Variants in ANKRD44 observed in about 807,000 individuals in gnomAD.
The protein encoded by ANKRD44 is ankyrin repeat domain 44, also known as serine/threonine-protein phosphatase 6 regulatory ankyrin repeat subunit B.
ANKRD44 carries 35 observed loss-of-function variants against 116.0 expected under a neutral mutation model. The observed-to-expected ratio is 0.30, with a 90% confidence interval of 0.23 to 0.40. The LOEUF (loss-of-function observed/expected upper bound fraction) is 0.40. ANKRD44 is among the 10% of genes least tolerant of loss of function. The pLI is 1.00. For missense variants in ANKRD44, 1,014 were observed against 1,242.6 expected, an observed-to-expected ratio of 0.82 and a Z score of 2.77; for synonymous variants, 435 against 461.8, an observed-to-expected ratio of 0.94 and a Z score of 0.74.
At chr2:196,990,287 A>AG in intron 27 of ANKRD44, 1 of 989,416 alleles carries the variant, frequency 1.0e-6, no homozygotes. Flanking sequence ...CTTCCCTCCC[A>AG]GGGGACATGA....
In ANKRD44 at chr2:197,158,440, T is replaced by C. The variant is rs184215428; in HGVS notation, c.112-11335A>G. On this transcript the variant is annotated intron_variant, in intron 2 of 27. Coordinates refer to ENST00000282272, the MANE Select transcript of ANKRD44 (RefSeq NM_001195144.2). ...ACGGCCCCACCACAGGCTCACTGTC[T>C]CTTTTAATTAATTCATTAACCAATT... 2.8e-3 allele frequency among the ~76,000 whole-genome samples: 424 copies of C among 152,344 alleles called. 2 individuals carry two copies. The highest frequency in any genetic ancestry group is 9.6e-3 in the African/African-American group (399 of 41,568).
intron 17 of ANKRD44, among the ~76,000 whole-genome samples, chr2:197,016,430 C>T (rs1243944581): frequency 3.8e-5 from 1 of 26,666 alleles, no homozygotes; most frequent in Non-Finnish European, 8.0e-5. Context: ...CATTTTAATA[C>T]AGAAACTAAC....
intron 16 of ANKRD44, chr2:197,029,381 T>A (rs1447346927): frequency 3.6e-6 from 1 of 278,372 alleles, no homozygotes; most frequent in Non-Finnish European, 6.9e-6. Flanking sequence ...TGAATCTGCT[T>A]GCCTGCTGCT....
intron 1 of ANKRD44, among the ~76,000 whole-genome samples, chr2:197,192,158 A>G (rs998842175): frequency 6.6e-5 from 10 of 152,148 alleles, no homozygotes; most frequent in Non-Finnish European, 1.2e-4. Context: ...TGTATAGTAT[A>G]TTTCACTTTC....
At chr2:197,141,055 A>C (rs539617266) in intron 3 of ANKRD44, among the ~76,000 whole-genome samples, 2 of 152,154 alleles carry the variant, frequency 1.3e-5, no homozygotes, top group Non-Finnish European at 2.9e-5. Context: ...CGTCTCCACT[A>C]AAGATACAAA....
chr2:197,160,367 G>C (rs1304226193), intron 2 of ANKRD44, among the ~76,000 whole-genome samples: 1 of 152,150 alleles, frequency 6.6e-6, no homozygotes, highest in East Asian at 1.9e-4. Context: ...AAAATAAGGA[G>C]ATGCAGACAG....
chr2:197,213,719 T>C (rs2081376972), intron 1 of ANKRD44, among the ~76,000 whole-genome samples: 1 of 152,220 alleles, frequency 6.6e-6, no homozygotes, highest in Non-Finnish European at 1.5e-5. Flanking sequence ...GCTCATACAA[T>C]CTGGCCGATT....
Position 196,999,191 on chromosome 2 carries a change from C to T in ANKRD44, c.2520-139G>A, listed in dbSNP as rs967416880. On this transcript the variant is annotated intron_variant, in intron 23 of 27. Transcript: ENST00000282272. ...ATAGACATAGTGATCAGGTCCCCTC[C>T]CTCTAAAGGTCATCCAGGATAGACA... The T allele has an allele frequency of 1.0e-5, 10 of 985,214 alleles. No individual in the cohort carries two copies. The Admixed American group carries it at 2.3e-4, about 23-fold the overall frequency. 61.0% of individuals were successfully genotyped at this position (985,214 alleles called of 1,614,324 possible). A position where few individuals can be genotyped will look rare whatever the true frequency, so the allele number is the denominator to read the frequency against.
chr2:196,973,515 C>T (rs577833616), intron 21 of ANKRD44, among the ~76,000 whole-genome samples: 75 of 152,196 alleles, frequency 4.9e-4, no homozygotes, highest in African/African-American at 1.6e-3. Flanking sequence ...GCACATGAAC[C>T]GGAGATTTAA....
In ANKRD44 at chr2:197,185,509, C is replaced by A. The variant is rs115984073; in HGVS notation, c.111+1514G>T. Among the ~76,000 whole-genome samples, 578 of 152,328 alleles carry A rather than the reference C, an allele frequency of 3.8e-3. 2 individuals are homozygous for A. Among genetic ancestry groups the A allele is most frequent in the African/African-American group, 0.01 (424 of 41,572 alleles). ...TAGAGACTTTAAAGAGAACTCCTCT[C>A]CCTGGTGGACTTCAGTATTTCACAA... On this transcript the variant is annotated intron_variant, in intron 2 of 27. Coordinates refer to ENST00000282272, the MANE Select transcript of ANKRD44 (RefSeq NM_001195144.2).
chr2:197,218,809 G>T (rs574296850), intron 1 of ANKRD44, among the ~76,000 whole-genome samples: 6 of 121,882 alleles, frequency 4.9e-5, no homozygotes, highest in Admixed American at 4.2e-4. Flanking sequence ...ACCCAGGCTG[G>T]AGTACAGTGA....
At chr2:197,006,989 C>G (rs2076213462) in intron 20 of ANKRD44, among the ~76,000 whole-genome samples, 3 of 151,978 alleles carry the variant, frequency 2.0e-5, no homozygotes, top group Non-Finnish European at 4.4e-5. Context: ...CCTGTGGTCC[C>G]AGTTACTGGG....
At chr2:197,160,912 G>A (rs1446210459) in intron 2 of ANKRD44, among the ~76,000 whole-genome samples, 1 of 152,060 alleles carries the variant, frequency 6.6e-6, no homozygotes, top group African/African-American at 2.4e-5. Context: ...AATTCTGCAG[G>A]CCAAGACTCC....
chr2:197,067,007 G>A (rs1396210169), intron 16 of ANKRD44, among the ~76,000 whole-genome samples: 2 of 152,164 alleles, frequency 1.3e-5, no homozygotes, highest in Non-Finnish European at 2.9e-5. Context: ...CAAAGCTGGA[G>A]GCATCATGCT....
rs116288478 is a variant in ANKRD44, at chr2:197,149,035, C to G, written c.112-1930G>C. Among the ~76,000 whole-genome samples the G allele has an allele frequency of 7.0e-3, 1,068 of 152,284 alleles. 15 individuals carry two copies. The highest frequency in any genetic ancestry group is 0.024 in the African/African-American group (1,014 of 41,560). On this transcript the variant is annotated intron_variant, in intron 2 of 27. Coordinates refer to ENST00000282272, the MANE Select transcript of ANKRD44 (RefSeq NM_001195144.2). Reference sequence around the variant, plus strand: ...GAGAACAGATTTTCACAAATGTTTTCTATTTCTATTGATAACCCTAGATGC... The same window carrying G: ...GAGAACAGATTTTCACAAATGTTTTGTATTTCTATTGATAACCCTAGATGC...
At chr2:197,302,810 C>T (rs1382298406) in intron 1 of ANKRD44, among the ~76,000 whole-genome samples, 1 of 152,170 alleles carries the variant, frequency 6.6e-6, no homozygotes, top group East Asian at 1.9e-4. Context: ...GTCAACTGCA[C>T]CCAACTCTGG....
chr2:197,028,533 G>C (rs2076641108), intron 16 of ANKRD44, among the ~76,000 whole-genome samples: 2 of 152,310 alleles, frequency 1.3e-5, no homozygotes, highest in Admixed American at 1.3e-4. Flanking sequence ...ACAGAGGCTG[G>C]ACAACTAAAC....
At chr2:197,099,677 A>G in intron 10 of ANKRD44, 139 bp downstream of exon 10, 2 of 1,321,880 alleles carry the variant, frequency 1.5e-6, no homozygotes, top group Non-Finnish European at 1.9e-6. Context: ...AATTTATTTA[A>G]AATTTAATTT....
At chr2:197,191,227 A>G (rs2080813848) in intron 1 of ANKRD44, among the ~76,000 whole-genome samples, 1 of 152,216 alleles carries the variant, frequency 6.6e-6, no homozygotes, top group African/African-American at 2.4e-5. Context: ...TACCAAAAGC[A>G]CAAGTGGGAT....
Sources: gnomAD v4.1 joint callset for allele counts (sites outside exome capture counted in the v4.1 genomes callset) on GRCh38, gnomAD v4.1.1 for gene constraint, MANE v1.5 for transcripts, NCBI Gene and HGNC (gene_info 2026-07-23, HGNC 2026-07-21) for gene names.